Variants in STXBP5L observed in about 807,000 individuals in gnomAD.
STXBP5L encodes the protein syntaxin-binding protein 5-like.
A neutral mutation model predicts 144.5 loss-of-function variants in STXBP5L; 65 were observed. The ratio of observed to expected loss-of-function variants is 0.45; its 90% CI spans 0.37 to 0.55. The LOEUF is 0.55. Among genes scored for constraint, STXBP5L ranks in the 20% least tolerant of loss-of-function variants. The pLI is 0.00. For synonymous variants in STXBP5L, 505 were observed against 469.6 expected (o/e 1.08, Z -0.97); for missense variants, 1,298 against 1,405.5 (o/e 0.92, Z 1.22).
In STXBP5L at chr3:121,045,453, A is replaced by T. The variant is rs763406849; in HGVS notation, c.388A>T (p.Ser130Cys). 6.2e-6 allele frequency: 10 copies of T among 1,612,842 alleles called. No homozygotes were observed. Among genetic ancestry groups the T allele is most frequent in the Non-Finnish European group, 8.5e-6 (10 of 1,179,356 alleles). The change falls in exon 5 of 27, where the codon AGT becomes TGT. Residue 130 changes from serine (S) to cysteine (C), a missense_variant. Coordinates refer to ENST00000471454, the MANE Select transcript of STXBP5L (RefSeq NM_001308330.2). ...GTTCTAGGGTGCCTTGGTCAGTGCA[A>T]GTTCAGATGATACACTTCATTTGTG... ...LINEGALVSA[S>C]SDDTLHLWNL...
chr3:121,018,523 CAAAA>C (rs139946627), intron 3 of STXBP5L, among the ~76,000 whole-genome samples: 12,163 of 101,876 alleles, frequency 0.12, 854 homozygotes, highest in Admixed American at 0.24. Context: ...ATCCATATAC[CAAAA>C]AAAAAAAAAA....
chr3:121,135,502 T>C (rs1189953044), intron 7 of STXBP5L, among the ~76,000 whole-genome samples: 1 of 152,146 alleles, frequency 6.6e-6, no homozygotes, highest in Non-Finnish European at 1.5e-5. Context: ...CTGGGGGTGA[T>C]GGATCATCAG....
chr3:121,337,818 G>A (rs2044561442), intron 20 of STXBP5L, among the ~76,000 whole-genome samples: 1 of 152,058 alleles, frequency 6.6e-6, no homozygotes, highest in South Asian at 2.1e-4. Flanking sequence ...CACAAAACAA[G>A]TCTCAATAAA....
At chr3:121,073,066 C>G (rs971434663) in intron 5 of STXBP5L, among the ~76,000 whole-genome samples, 1 of 152,210 alleles carries the variant, frequency 6.6e-6, no homozygotes, top group Non-Finnish European at 1.5e-5. Flanking sequence ...ACATCCAGCC[C>G]GTCTGACACC....
intron 9 of STXBP5L, among the ~76,000 whole-genome samples, chr3:121,190,487 CTT>C (rs763133276): frequency 3.3e-5 from 5 of 152,192 alleles, no homozygotes; most frequent in Non-Finnish European, 7.4e-5. Context: ...TCCGATCTCT[CTT>C]TCTTTTCCCC....
At chr3:121,216,765 C>T (rs545399761) in intron 10 of STXBP5L, among the ~76,000 whole-genome samples, 6 of 152,306 alleles carry the variant, frequency 3.9e-5, no homozygotes, top group Non-Finnish European at 5.9e-5. Context: ...ATGTTTAAGT[C>T]GGCTTAAGCT....
At chr3:121,347,698 T>A (rs2045061552) in intron 20 of STXBP5L, among the ~76,000 whole-genome samples, 1 of 152,210 alleles carries the variant, frequency 6.6e-6, no homozygotes, top group South Asian at 2.1e-4. Context: ...GATTCCTAGG[T>A]ATTTTATTCT....
chr3:121,299,929 A>G (rs531828369), intron 19 of STXBP5L, among the ~76,000 whole-genome samples: 1 of 148,692 alleles, frequency 6.7e-6, no homozygotes, highest in Non-Finnish European at 1.5e-5. Flanking sequence ...GCAGTGAGCC[A>G]TGATTGCACC....
chr3:121,195,763 T>C (rs890574753), intron 9 of STXBP5L, among the ~76,000 whole-genome samples: 5 of 152,146 alleles, frequency 3.3e-5, no homozygotes, highest in African/African-American at 4.8e-5. Flanking sequence ...CCATCAACAA[T>C]ACCTGCTTTC....
rs141732446 is a variant in STXBP5L at position 121,367,438 on chromosome 3, G to A, written c.2177-11278G>A. On this transcript the variant is annotated intron_variant, in intron 20 of 26. Coordinates refer to ENST00000471454, the MANE Select transcript of STXBP5L (RefSeq NM_001308330.2). ...TTGGTTGAAATTTTTTTTCCTCTTA[G>A]CATTTTAAATATATTGATTCCTGCC... Among the ~76,000 whole-genome samples the A allele has an allele frequency of 2.8e-3, 420 of 151,654 alleles. 2 individuals carry two copies. The highest frequency in any genetic ancestry group is 0.027 in the Middle Eastern group (8 of 294).
intron 20 of STXBP5L, among the ~76,000 whole-genome samples, chr3:121,351,123 AC>A (rs1262315366): frequency 6.6e-6 from 1 of 152,110 alleles, no homozygotes; most frequent in Non-Finnish European, 1.5e-5. Flanking sequence ...ATGGTGACGT[AC>A]AGATGGAGTT....
intron 19 of STXBP5L, among the ~76,000 whole-genome samples, chr3:121,308,651 A>G (rs957982094): frequency 1.3e-5 from 2 of 152,214 alleles, no homozygotes; most frequent in African/African-American, 4.8e-5. Context: ...TGTTTCAGTA[A>G]ACAGATTATT....
intron 18 of STXBP5L, among the ~76,000 whole-genome samples, chr3:121,265,870 A>G (rs2050546795): frequency 6.6e-6 from 1 of 152,196 alleles, no homozygotes; most frequent in South Asian, 2.1e-4. Flanking sequence ...ATAAACTAGA[A>G]AATCTAGAAG....
Position 121,110,904 on chromosome 3 carries a change from G to T in STXBP5L, c.471-4021G>T, listed in dbSNP as rs189528221. 2.6e-5 allele frequency among the ~76,000 whole-genome samples: 4 copies of T among 152,118 alleles called. No homozygotes were observed. The East Asian group carries it at 7.7e-4, about 29-fold the overall frequency. On this transcript the variant is annotated intron_variant, in intron 5 of 26. Transcript: ENST00000471454. ...TTGGTCTTTTTACATAACCCCATAGGTCCTGGAGGTTTTATTCATTCCTTT... is the reference window on the plus strand; with the variant it reads ...TTGGTCTTTTTACATAACCCCATAGTTCCTGGAGGTTTTATTCATTCCTTT...
intron 9 of STXBP5L, among the ~76,000 whole-genome samples, chr3:121,173,320 AAATATAAT>A (rs2046801058): frequency 1.4e-5 from 1 of 70,754 alleles, no homozygotes; most frequent in Admixed American, 2.1e-4. Flanking sequence ...CCAGAACTTA[AAATATAAT>A]AATAATAATA....
At chr3:121,110,664 G>A (rs1186655718) in intron 5 of STXBP5L, among the ~76,000 whole-genome samples, 4 of 151,958 alleles carry the variant, frequency 2.6e-5, no homozygotes, top group Non-Finnish European at 4.4e-5. Flanking sequence ...TTAATATTTT[G>A]TCTTTCATTT....
chr3:120,931,119 G>A (rs1281057302), intron 2 of STXBP5L, among the ~76,000 whole-genome samples: 2 of 151,056 alleles, frequency 1.3e-5, no homozygotes, highest in Non-Finnish European at 2.9e-5. Flanking sequence ...TTTAGAATAA[G>A]GGAGACTATA....
intron 11 of STXBP5L, among the ~76,000 whole-genome samples, chr3:121,226,172 T>C (rs2049118890): frequency 6.6e-6 from 1 of 152,232 alleles, no homozygotes; most frequent in African/African-American, 2.4e-5. Flanking sequence ...CAAGGCATGC[T>C]TGCCATCTGT....
chr3:121,312,963 A>G (rs2043597464), intron 19 of STXBP5L, among the ~76,000 whole-genome samples: 3 of 152,090 alleles, frequency 2.0e-5, no homozygotes, highest in South Asian at 2.1e-4. Flanking sequence ...CCCATCACCA[A>G]TGAGCCGCTG....
Sources: allele counts gnomAD v4.1 joint callset (sites outside exome capture counted in the v4.1 genomes callset), GRCh38; gene constraint gnomAD v4.1.1; transcripts MANE v1.5; gene names NCBI Gene and HGNC (gene_info 2026-07-23, HGNC 2026-07-21).